PCLO: variants seen among roughly 807,000 people sequenced by gnomAD.
PCLO encodes protein piccolo.
Under a neutral mutation model 427.5 loss-of-function variants are expected in PCLO, and 82 were observed. That is an observed-to-expected ratio of 0.19 (90% CI 0.16 to 0.23). The LOEUF is 0.23. PCLO is among the 10% of genes least tolerant of loss of function. PCLO has a pLI of 1.00. For missense variants in PCLO, 6,239 were observed against 6,115.9 expected (o/e 1.02, Z -0.67); for synonymous variants, 2,357 against 2,155.4 (o/e 1.09, Z -2.59).
chr7:83,044,471 A>G, intron 3 of PCLO, among the ~76,000 whole-genome samples: 1 of 152,318 alleles, frequency 6.6e-6, no homozygotes, highest in South Asian at 2.1e-4. Flanking sequence ...TGGTTGTTTG[A>G]GTGGTTAAAA....
intron 4 of PCLO, among the ~76,000 whole-genome samples, 167 bp from the exon 5 acceptor site, chr7:82,957,102 C>T (rs1429583927): frequency 3.3e-5 from 5 of 152,018 alleles, no homozygotes; most frequent in East Asian, 1.9e-4. Flanking sequence ...TGTTGATATG[C>T]GTTGGTAAGG....
At chr7:82,769,996 C>A (rs1281760853) in intron 22 of PCLO, among the ~76,000 whole-genome samples, 1 of 152,064 alleles carries the variant, frequency 6.6e-6, no homozygotes, top group Non-Finnish European at 1.5e-5. Context: ...AGTTTTCAAA[C>A]CCAGTCATTA....
intron 3 of PCLO, among the ~76,000 whole-genome samples, chr7:83,110,721 T>A (rs1005347453): frequency 9.9e-5 from 15 of 152,186 alleles, no homozygotes; most frequent in African/African-American, 3.4e-4. Flanking sequence ...ACTCCAACTT[T>A]ACTTGATTTT....
intron 3 of PCLO, among the ~76,000 whole-genome samples, chr7:83,129,529 G>C (rs1791519292): frequency 6.6e-6 from 1 of 152,136 alleles, no homozygotes; most frequent in Non-Finnish European, 1.5e-5. Context: ...AGTGGTGGCA[G>C]TGTTGACTGC....
Position 82,953,277 on chromosome 7 carries a change from G to C in PCLO, c.7676C>G (p.Ser2559Cys), listed in dbSNP as rs1234370122. 6.2e-7 allele frequency: 1 copy of C among 1,613,730 alleles called. No homozygotes were observed. Among genetic ancestry groups the C allele is most frequent in the Non-Finnish European group, 8.5e-7 (1 of 1,179,852 alleles). ...SADYKLPSPT[S>C]PLSPHSNKSS... is the part of the protein sequence containing the mutation. ...CTTGTTGGAGTGTGGGGAAAGTGGG[G>C]AGGTAGGGGAAGGCAATTTATAATC... Residue 2559 changes from serine (S) to cysteine (C), a missense_variant, in exon 5 of 25, where the codon TCC becomes TGC. By Grantham distance (112) the Ser-to-Cys change is moderately radical. This residue lies in a region of PCLO where 4,677 missense variants were observed against 4,468.4 expected (regional missense o/e 1.05). Transcript: ENST00000333891.
intron 13 of PCLO, among the ~76,000 whole-genome samples, chr7:82,843,665 ATT>A (rs71522631): frequency 5.9e-5 from 8 of 135,738 alleles, no homozygotes; most frequent in Admixed American, 7.6e-5. Flanking sequence ...CAACGTATTC[ATT>A]TTTTTTTTTT....
intron 3 of PCLO, among the ~76,000 whole-genome samples, chr7:83,113,615 G>A (rs535369085): frequency 2.6e-5 from 4 of 152,176 alleles, no homozygotes; most frequent in African/African-American, 4.8e-5. Context: ...ATAACATATA[G>A]GATTAATTCA....
At chr7:82,816,311 T>C (rs2115603662) in intron 20 of PCLO, among the ~76,000 whole-genome samples, 1 of 152,220 alleles carries the variant, frequency 6.6e-6, no homozygotes, top group South Asian at 2.1e-4. Context: ...TTGGCATTCC[T>C]CTACCACTCC....
At chr7:82,779,112 A>AT (rs767186200) in intron 22 of PCLO, among the ~76,000 whole-genome samples, 3 of 152,128 alleles carry the variant, frequency 2.0e-5, no homozygotes, top group South Asian at 2.1e-4. Context: ...TTAACAATAG[A>AT]TTTTTTACTT....
chr7:83,032,548 T>C lies in PCLO; in HGVS notation c.3301-66061A>G, dbSNP rs76976938. On this transcript the variant is annotated intron_variant, in intron 3 of 24. Coordinates refer to ENST00000333891, the MANE Select transcript of PCLO (RefSeq NM_033026.6). ...AACATTGGTGTCTCTGATTGTATTC[T>C]CTTGCTATCTTTTTCTTCTCTGCCC... Among the ~76,000 whole-genome samples, 1,391 of 151,570 alleles carry C rather than the reference T, an allele frequency of 9.2e-3. 28 individuals are homozygous for C. The highest frequency in any genetic ancestry group is 0.03 in the African/African-American group (1,258 of 41,352).
chr7:82,853,263 T>C (rs560630715), intron 10 of PCLO, among the ~76,000 whole-genome samples: 1 of 152,224 alleles, frequency 6.6e-6, no homozygotes, highest in South Asian at 2.1e-4. Context: ...ACAAAATATA[T>C]AAAAATGGGC....
At chr7:82,863,901 C>T (rs1184343446) in intron 10 of PCLO, among the ~76,000 whole-genome samples, 1 of 151,960 alleles carries the variant, frequency 6.6e-6, no homozygotes, top group Non-Finnish European at 1.5e-5. Context: ...ATAAGGAGCA[C>T]CAATACAGGA....
chr7:82,904,272 GTC>G (rs1487105477), intron 8 of PCLO, among the ~76,000 whole-genome samples: 2 of 151,376 alleles, frequency 1.3e-5, no homozygotes, highest in African/African-American at 2.4e-5. Context: ...TCTCTCTCCT[GTC>G]TCTATCTCTT....
At chr7:82,784,328 TCTG>T (rs1790937478) in intron 22 of PCLO, among the ~76,000 whole-genome samples, 1 of 152,158 alleles carries the variant, frequency 6.6e-6, no homozygotes, top group Admixed American at 6.5e-5. Flanking sequence ...TGGGCACACT[TCTG>T]CTGGTCAGCC....
At chr7:82,891,971 G>C (rs1793778362) in intron 9 of PCLO, among the ~76,000 whole-genome samples, 1 of 152,078 alleles carries the variant, frequency 6.6e-6, no homozygotes, top group African/African-American at 2.4e-5. Context: ...TGGGTAGGAA[G>C]AATCAATATT....
At chr7:82,851,176 G>C (rs1469190658) in intron 10 of PCLO, among the ~76,000 whole-genome samples, 2 of 151,932 alleles carry the variant, frequency 1.3e-5, no homozygotes, top group Non-Finnish European at 2.9e-5. Flanking sequence ...GTTAAATTAA[G>C]CATATGCATA....
In PCLO at chr7:82,872,965, G is replaced by A. The variant is rs796730132; in HGVS notation, c.13654+6372C>T. Among the ~76,000 whole-genome samples, 4 of 152,188 alleles carry A rather than the reference G, an allele frequency of 2.6e-5. No individual in the cohort carries two copies. The South Asian group carries it at 8.3e-4, about 32-fold the overall frequency. The stretch of plus-strand genomic sequence containing the variant: ...TAGTTGTGGATACATACATAACACT[G>A]CAAAGAAATGGAAGCAAAAGTATAA... On this transcript the variant is annotated intron_variant, in intron 10 of 24. Transcript: ENST00000333891.
intron 3 of PCLO, among the ~76,000 whole-genome samples, chr7:83,058,593 C>T (rs897074486): frequency 6.6e-6 from 1 of 152,068 alleles, no homozygotes; most frequent in Admixed American, 6.6e-5. Flanking sequence ...TTATCAAACA[C>T]TTAATCTTTC....
chr7:82,904,670 C>T (rs1359163018), intron 8 of PCLO, among the ~76,000 whole-genome samples: 1 of 151,908 alleles, frequency 6.6e-6, no homozygotes, highest in Non-Finnish European at 1.5e-5. Flanking sequence ...GCTGGGGAGA[C>T]GTTGATGTAA....
Sources: gnomAD v4.1 joint callset for allele counts (sites outside exome capture counted in the v4.1 genomes callset) on GRCh38, gnomAD v4.1.1 for gene constraint, gnomAD v4.1.1 regional missense constraint, MANE v1.5 for transcripts, NCBI Gene and HGNC (gene_info 2026-07-23, HGNC 2026-07-21) for gene names.